Variants in COA1 observed in about 807,000 individuals in gnomAD.
COA1 encodes cytochrome c oxidase assembly factor 1 homolog.
A neutral mutation model predicts 16.0 loss-of-function variants in COA1; 13 were observed. The observed-to-expected ratio is 0.81, with a 90% CI of 0.53 to 1.29. COA1 has a LOEUF of 1.29. Ranked by LOEUF, COA1 falls within the 50% of genes most tolerant of loss-of-function variation. The probability of loss-of-function intolerance (pLI) is 0.00; values close to 1 mark genes in which losing one functional copy is unlikely to be tolerated. For synonymous variants in COA1, 65 were observed against 65.7 expected (o/e 0.99, Z 0.05); for missense variants, 179 against 177.0 (o/e 1.01, Z -0.06).
intron 1 of COA1, among the ~76,000 whole-genome samples, chr7:43,683,587 T>G (rs2093874355): frequency 6.6e-6 from 1 of 152,090 alleles, no homozygotes; most frequent in Non-Finnish European, 1.5e-5. Context: ...TGAGTCAAGA[T>G]TGCGCCACTG....
chr7:43,657,338 G>A (rs548957200), intron 1 of COA1: 1 of 152,186 alleles, frequency 6.6e-6, no homozygotes, highest in African/African-American at 2.4e-5. Flanking sequence ...CTGAACCATA[G>A]TGGAACTATC....
chr7:43,642,130 T>C (rs756858942), intron 4 of COA1: 3 of 152,164 alleles, frequency 2.0e-5, no homozygotes, highest in African/African-American at 7.2e-5. Context: ...CTCAGGTGAA[T>C]AGGCAGTCAC....
intron 1 of COA1, among the ~76,000 whole-genome samples, chr7:43,681,195 A>T (rs2130434378): frequency 6.6e-6 from 1 of 152,256 alleles, no homozygotes; most frequent in South Asian, 2.1e-4. Flanking sequence ...CGTATATAGG[A>T]TTGACTCCAT....
intron 1 of COA1, among the ~76,000 whole-genome samples, chr7:43,728,198 T>C (rs950242000): frequency 3.9e-5 from 6 of 152,098 alleles, no homozygotes; most frequent in African/African-American, 1.4e-4. Context: ...ACGGTCTTGA[T>C]CTCCTGACCT....
intron 1 of COA1, among the ~76,000 whole-genome samples, chr7:43,716,985 AG>A (rs994130713): frequency 6.6e-6 from 1 of 152,150 alleles, no homozygotes; most frequent in Non-Finnish European, 1.5e-5. Context: ...CTAAGAACTG[AG>A]GTTTGGGAAC....
At chr7:43,682,309 C>T (rs1374372759) in intron 1 of COA1, among the ~76,000 whole-genome samples, 1 of 152,182 alleles carries the variant, frequency 6.6e-6, no homozygotes, top group African/African-American at 2.4e-5. Flanking sequence ...TTATTGATCA[C>T]TACTTTTCTC....
chr7:43,707,735 T>C (rs2095051364), intron 1 of COA1, among the ~76,000 whole-genome samples: 1 of 152,222 alleles, frequency 6.6e-6, no homozygotes, highest in Non-Finnish European at 1.5e-5. Context: ...TAGTCCACGT[T>C]TGAAATGTAT....
chr7:43,683,919 A>C lies in COA1; in HGVS notation c.-38-35267T>G, dbSNP rs114534089. ...TTCTGTGGGTCAGTAATTTAGAGCA[A>C]ACACAAAGGTAAGGAACAATGTTTG... On this transcript the variant is annotated intron_variant, in intron 1 of 5. Coordinates refer to ENST00000223336, the MANE Select transcript of COA1 (RefSeq NM_018224.4). Among the ~76,000 whole-genome samples, 347 of 152,344 alleles carry C rather than the reference A, an allele frequency of 2.3e-3. 4 individuals carry two copies. Among genetic ancestry groups the C allele is most frequent in the African/African-American group, 8.1e-3 (335 of 41,570 alleles).
intron 1 of COA1, among the ~76,000 whole-genome samples, chr7:43,678,022 T>C (rs2093613209): frequency 6.6e-6 from 1 of 152,094 alleles, no homozygotes; most frequent in Non-Finnish European, 1.5e-5. Context: ...CTACAGGCAA[T>C]TTCCCTCCTA....
intron 1 of COA1, 77 bp downstream of exon 1, chr7:43,729,352 G>A (rs916658992): frequency 6.6e-6 from 1 of 152,364 alleles, no homozygotes; most frequent in African/African-American, 2.4e-5. Context: ...CGCGCGCAAA[G>A]GCGGCCCCCC....
At chr7:43,654,779 A>G (rs1485404081) in intron 1 of COA1, among the ~76,000 whole-genome samples, 1 of 152,232 alleles carries the variant, frequency 6.6e-6, no homozygotes, top group East Asian at 1.9e-4. Context: ...AATGTAGAAC[A>G]TGTTCCAGTT....
At chr7:43,691,068 A>AC (rs1483530416) in intron 1 of COA1, among the ~76,000 whole-genome samples, 59 of 137,204 alleles carry the variant, frequency 4.3e-4, no homozygotes, top group African/African-American at 1.5e-3. Context: ...AAAAAAAAAA[A>AC]AAAAAAAAAC....
intron 1 of COA1, among the ~76,000 whole-genome samples, chr7:43,726,315 G>C (rs1167058533): frequency 6.6e-6 from 1 of 152,014 alleles, no homozygotes; most frequent in Admixed American, 6.6e-5. Flanking sequence ...ACACTAACTG[G>C]GAACTACTAT....
intron 2 of COA1, 167 bp downstream of exon 2, chr7:43,648,433 A>G (rs1487412114): frequency 6.4e-6 from 5 of 785,986 alleles, no homozygotes; most frequent in Non-Finnish European, 1.1e-5. Context: ...ACAGAGTGGG[A>G]AACAATGCAG....
intron 1 of COA1, among the ~76,000 whole-genome samples, chr7:43,698,207 CG>C (rs1168027120): frequency 6.6e-6 from 1 of 152,288 alleles, no homozygotes; most frequent in Admixed American, 6.5e-5. Flanking sequence ...GAAAAACAAA[CG>C]TTTAGCCAGT....
intron 1 of COA1, among the ~76,000 whole-genome samples, chr7:43,706,732 T>A (rs1266231457): frequency 6.6e-6 from 1 of 151,216 alleles, no homozygotes; most frequent in Non-Finnish European, 1.5e-5. Context: ...TAGCTGGGCA[T>A]GGTGGTGCAT....
At chr7:43,630,670 G>C in intron 6 of COA1, among the ~76,000 whole-genome samples, 1 of 151,934 alleles carries the variant, frequency 6.6e-6, no homozygotes, top group East Asian at 1.9e-4. Flanking sequence ...TTTTGATTTC[G>C]CAATAGTTAC....
At chr7:43,633,469 T>C (rs1253436029) in intron 6 of COA1, 2 of 152,156 alleles carry the variant, frequency 1.3e-5, no homozygotes, top group East Asian at 3.9e-4. Context: ...AACACACACA[T>C]TTATCAATTA....
intron 1 of COA1, among the ~76,000 whole-genome samples, chr7:43,653,152 A>T (rs2091142993): frequency 6.6e-6 from 1 of 152,146 alleles, no homozygotes; most frequent in African/African-American, 2.4e-5. Context: ...CTCTACTAAA[A>T]ATACAAAAAA....
Sources: allele counts gnomAD v4.1 joint callset (sites outside exome capture counted in the v4.1 genomes callset), GRCh38; gene constraint gnomAD v4.1.1; transcripts MANE v1.5; gene names NCBI Gene and HGNC (gene_info 2026-07-23, HGNC 2026-07-21).